The following CLPB variants were observed in gnomAD, a reference collection of about 807,000 sequenced individuals.
CLPB encodes ClpB family mitochondrial disaggregase, also known as mitochondrial disaggregase.
CLPB carries 40 observed loss-of-function variants against 78.4 expected under a neutral mutation model. The ratio of observed to expected loss-of-function variants is 0.51; its 90% CI spans 0.40 to 0.66. The LOEUF is 0.66. Ranked by LOEUF, CLPB falls within the 30% of genes least tolerant of loss-of-function variation. The pLI is 0.00. For missense variants in CLPB, 780 were observed against 886.9 expected (o/e 0.88, Z 1.53); for synonymous variants, 333 against 348.0 (o/e 0.96, Z 0.48).
intron 4 of CLPB, among the ~76,000 whole-genome samples, chr11:72,367,465 T>C (rs1456332109): frequency 1.3e-5 from 2 of 152,314 alleles, no homozygotes; most frequent in South Asian, 4.1e-4. Context: ...CCAGCCTGCA[T>C]GTTCTCCCAA....
At position 72,378,738 on chromosome 11, in the gene CLPB, T is replaced by C. The variant is rs556230790; in HGVS notation, c.646+1543A>G. ...AGGCTGCAAATAGAGGGCAAGGTGGTACTCATGAAATTCTCTGTTTAAAAC... is the reference window on the plus strand; with the variant it reads ...AGGCTGCAAATAGAGGGCAAGGTGGCACTCATGAAATTCTCTGTTTAAAAC... On this transcript the variant is annotated intron_variant, in intron 4 of 15. Coordinates refer to ENST00000538039, the MANE Select transcript of CLPB (RefSeq NM_001258392.3). 3.9e-5 allele frequency among the ~76,000 whole-genome samples: 6 copies of C among 152,274 alleles called. No individual in the cohort carries two copies. In the South Asian group the frequency reaches 1.0e-3, roughly 26 times the overall value.
intron 3 of CLPB, among the ~76,000 whole-genome samples, chr11:72,400,328 T>G (rs188536058): frequency 6.6e-6 from 1 of 152,270 alleles, no homozygotes; most frequent in East Asian, 1.9e-4. Context: ...GGTCACAAAA[T>G]GGATAATTAG....
chr11:72,310,919 C>G (rs1007322951), intron 7 of CLPB: 2 of 152,088 alleles, frequency 1.3e-5, no homozygotes, highest in African/African-American at 4.8e-5. Flanking sequence ...GGCCACTGTT[C>G]CCCGCTTCTT....
chr11:72,421,025 G>A (rs546916792), intron 2 of CLPB, among the ~76,000 whole-genome samples: 12 of 152,256 alleles, frequency 7.9e-5, no homozygotes, highest in African/African-American at 2.9e-4. Flanking sequence ...CGGGTGTGGT[G>A]GCGCATGCCT....
chr11:72,391,270 A>T (rs1855248063), intron 3 of CLPB, among the ~76,000 whole-genome samples: 1 of 152,208 alleles, frequency 6.6e-6, no homozygotes. Context: ...GTTGGTGTTC[A>T]TTCACCTTCA....
chr11:72,324,142 G>A (rs909844975), intron 6 of CLPB, among the ~76,000 whole-genome samples: 2 of 152,170 alleles, frequency 1.3e-5, no homozygotes, highest in Non-Finnish European at 2.9e-5. Flanking sequence ...AAGGGAGTCT[G>A]AGGCAGGCTT....
At chr11:72,380,584 A>C (rs1053609071) in intron 3 of CLPB, among the ~76,000 whole-genome samples, 200 bp from the exon 4 acceptor site, 4 of 152,178 alleles carry the variant, frequency 2.6e-5, no homozygotes, top group African/African-American at 9.7e-5. Flanking sequence ...GGGTGCAGTG[A>C]CTAATGACTG....
chr11:72,366,885 A>G (rs1403406968), intron 4 of CLPB, among the ~76,000 whole-genome samples: 2 of 152,194 alleles, frequency 1.3e-5, no homozygotes, highest in Non-Finnish European at 2.9e-5. Context: ...ATATATCCAA[A>G]AGAAAACAAA....
At chr11:72,388,738 A>G (rs531901620) in intron 3 of CLPB, among the ~76,000 whole-genome samples, 2 of 152,322 alleles carry the variant, frequency 1.3e-5, no homozygotes, top group Admixed American at 6.5e-5. Flanking sequence ...CAAACGGGTC[A>G]GGCCCTTCTT....
chr11:72,396,926 T>C lies in CLPB; in HGVS notation c.542+6040A>G, dbSNP rs74456569. 2.5e-4 allele frequency among the ~76,000 whole-genome samples: 38 copies of C among 152,360 alleles called. No individual in the cohort carries two copies. The East Asian group carries it at 7.1e-3, about 29-fold the overall frequency. ...AGTGTTTAAAGTCAGTTTACTGAAG[T>C]ATCACATTTACACAGAGTAAAATTC... On this transcript the variant is annotated intron_variant, in intron 3 of 15. Coordinates refer to ENST00000538039, the MANE Select transcript of CLPB (RefSeq NM_001258392.3).
chr11:72,400,871 A>G (rs1377615116), intron 3 of CLPB, among the ~76,000 whole-genome samples: 1 of 152,192 alleles, frequency 6.6e-6, no homozygotes, highest in Non-Finnish European at 1.5e-5. Context: ...TATCCCATAC[A>G]TACTGCTCTG....
rs1855517837 is a variant in CLPB, at chr11:72,400,095, G to A, written c.542+2871C>T. Among the ~76,000 whole-genome samples the A allele has an allele frequency of 2.0e-5, 3 of 152,020 alleles. No individual in the cohort carries two copies. In the South Asian group the frequency reaches 6.2e-4, roughly 32 times the overall value. The stretch of plus-strand genomic sequence containing the variant: ...GCATCCATTATACTCATTGTTTATT[G>A]TCTATCCACATCTTTCTCTACCAAA... On this transcript the variant is annotated intron_variant, in intron 3 of 15. Coordinates refer to ENST00000538039, the MANE Select transcript of CLPB (RefSeq NM_001258392.3).
chr11:72,425,887 C>T (rs928308734), intron 2 of CLPB, among the ~76,000 whole-genome samples: 7 of 152,156 alleles, frequency 4.6e-5, no homozygotes, highest in Admixed American at 3.9e-4. Flanking sequence ...TTTCTCAGAT[C>T]CTCCAGGCTG....
chr11:72,329,089 T>A (rs1950177409), intron 6 of CLPB, among the ~76,000 whole-genome samples: 1 of 152,242 alleles, frequency 6.6e-6, no homozygotes, highest in Non-Finnish European at 1.5e-5. Flanking sequence ...TTCTAGTTCT[T>A]GGATTCTGTC....
intron 5 of CLPB, chr11:72,354,277 G>GTA (rs57178829): frequency 0.034 from 12,528 of 369,002 alleles, 123 homozygotes; most frequent in African/African-American, 0.075. Flanking sequence ...GTGTGTGTGT[G>GTA]TATATATATA....
intron 5 of CLPB, among the ~76,000 whole-genome samples, chr11:72,339,584 T>G (rs1160687331): frequency 1.3e-5 from 2 of 152,186 alleles, no homozygotes; most frequent in Non-Finnish European, 2.9e-5. Context: ...ATATACTGGT[T>G]TACAGATTTT....
chr11:72,415,697 CAGA>C (rs898012141), intron 2 of CLPB, among the ~76,000 whole-genome samples: 2 of 152,154 alleles, frequency 1.3e-5, no homozygotes, highest in Admixed American at 1.3e-4. Flanking sequence ...GGTTACAGGA[CAGA>C]AGAAGTCATG....
chr11:72,408,155 A>G (rs1370875078), intron 2 of CLPB: 2 of 1,535,628 alleles, frequency 1.3e-6, no homozygotes, highest in Admixed American at 3.9e-5. Flanking sequence ...TCCAGCATTC[A>G]GCCCTGCCCA....
chr11:72,298,677 T>C (rs906774144), intron 11 of CLPB, among the ~76,000 whole-genome samples: 5 of 152,198 alleles, frequency 3.3e-5, no homozygotes, highest in African/African-American at 1.2e-4. Context: ...TTTGTATTTT[T>C]TGTAGAGACA....
Sources: allele counts gnomAD v4.1 joint callset (sites outside exome capture counted in the v4.1 genomes callset), GRCh38; gene constraint gnomAD v4.1.1; transcripts MANE v1.5; gene names NCBI Gene and HGNC (gene_info 2026-07-23, HGNC 2026-07-21).